Variants in NOL6 observed in about 807,000 individuals in gnomAD.
The protein encoded by NOL6 is nucleolar protein 6, also known as nucleolar RNA-associated protein.
Under a neutral mutation model 131.7 loss-of-function variants are expected in NOL6, and 33 were observed. That is an observed-to-expected ratio of 0.25 (90% CI 0.19 to 0.33). NOL6 has a LOEUF of 0.33. Ranked by LOEUF, NOL6 falls within the 10% of genes least tolerant of loss-of-function variation. The probability of loss-of-function intolerance (pLI) is 1.00; values close to 1 mark genes in which losing one functional copy is unlikely to be tolerated. For synonymous variants in NOL6, 580 were observed against 605.7 expected (o/e 0.96, Z 0.62); for missense variants, 1,297 against 1,494.5 (o/e 0.87, Z 2.18).
chr9:33,470,278 G>A (rs769938284), intron 3 of NOL6, 87 bp from the exon 4 acceptor site: 14 of 1,190,736 alleles, frequency 1.2e-5, no homozygotes, highest in East Asian at 2.9e-5. Flanking sequence ...TTAACACATC[G>A]ATATGTTTGA....
rs768191293 is a variant in NOL6 at position 33,473,853 on chromosome 9, C to T, written c.-11G>A. 6.2e-7 allele frequency: 1 copy of T among 1,610,060 alleles called. No homozygotes were observed. Among genetic ancestry groups the T allele is most frequent in the Non-Finnish European group, 8.5e-7 (1 of 1,180,026 alleles). ...TGGCGCCGGCCCCATCACTCAGGGTCCAGCACTCTCCCGCACTTCAGATTC... is the reference window on the plus strand; with the variant it reads ...TGGCGCCGGCCCCATCACTCAGGGTTCAGCACTCTCCCGCACTTCAGATTC... On this transcript the variant is annotated 5_prime_UTR_variant, in exon 1 of 26. Transcript: ENST00000297990.
rs761265686 is a variant in NOL6 at position 33,469,663 on chromosome 9, A to T, written c.563T>A (p.Ile188Asn). The change falls in exon 5 of 26, where the codon ATC becomes AAC. Residue 188 changes from isoleucine to asparagine, a missense_variant. Ile to Asn is a moderately radical substitution (Grantham distance 149). Coordinates refer to ENST00000297990, the MANE Select transcript of NOL6 (RefSeq NM_022917.5). Reference protein sequence around the residue: ...VDVALTMPREILQDKDGLNQR... With the variant: ...VDVALTMPRENLQDKDGLNQR... ...GTTCAGCCCGTCCTTGTCCTGTAGG[A>T]TTTCCTGGAGGGGCCAGGGGAGAAG... The T allele has an allele frequency of 2.5e-6, 4 of 1,609,942 alleles. No individual in the cohort carries two copies. The South Asian group carries it at 3.3e-5, about 13-fold the overall frequency.
chr9:33,471,953 C>T, intron 3 of NOL6, 51 bp downstream of exon 3: 3 of 1,261,198 alleles, frequency 2.4e-6, no homozygotes, highest in Non-Finnish European at 3.5e-6. Context: ...TTGATATACC[C>T]CCACTGGAGG....
At chr9:33,469,143 C>T (rs1827336613) in intron 6 of NOL6, 22 bp from the exon 7 acceptor site, 2 of 1,613,944 alleles carry the variant, frequency 1.2e-6, no homozygotes, top group Non-Finnish European at 1.7e-6. Context: ...AAAGGGAAGC[C>T]ATGAGAGGAA....
At position 33,469,070 on chromosome 9, in the gene NOL6, G is replaced by T; in HGVS notation, c.914C>A (p.Thr305Lys). The T allele has an allele frequency of 6.2e-7, 1 of 1,614,198 alleles. No individual in the cohort carries two copies. The highest frequency in any genetic ancestry group is 1.6e-4 in the Middle Eastern group (1 of 6,062). Reference sequence around the variant, plus strand: ...CAGCTGCAAATGGGACTCGAGAACTGTATCTTGCAGGACCCATGTGTTATA... The same window carrying T: ...CAGCTGCAAATGGGACTCGAGAACTTTATCTTGCAGGACCCATGTGTTATA... ...PRYNTWVLQD[T>K]VLESHLQLLS... The change falls in exon 7 of 26, where the codon ACA becomes AAA. Residue 305 changes from threonine to lysine, a missense_variant. Transcript: ENST00000297990.
intron 15 of NOL6, 46 bp from the exon 16 acceptor site, chr9:33,466,755 A>G (rs1441122185): frequency 6.2e-7 from 1 of 1,605,656 alleles, no homozygotes; most frequent in Non-Finnish European, 8.5e-7. Context: ...ACAGAAGGCC[A>G]GCTTCACCTG....
intron 16 of NOL6, 48 bp from the exon 17 acceptor site, chr9:33,466,473 T>C: frequency 6.2e-7 from 1 of 1,610,830 alleles, no homozygotes; most frequent in East Asian, 2.2e-5. Context: ...TGGGAGGGAG[T>C]GCCCAGAGTC....
rs1827223711 is a variant in NOL6 at position 33,465,818 on chromosome 9, A to G, written c.2444T>C (p.Met815Thr). The change falls in exon 19 of 26, where the codon ATG becomes ACG. Residue 815 changes from methionine (M) to threonine (T), a missense_variant. Coordinates refer to ENST00000297990, the MANE Select transcript of NOL6 (RefSeq NM_022917.5). ...GGCAGCTGTGTCCCTCAGCGAGATC[A>G]TCCCCTCTGGGCTCTGCACCTCCTT... ...ILKEVQSPEG[M>T]ISLRDTAASL... is the part of the protein sequence containing the mutation. The G allele has an allele frequency of 6.2e-7, 1 of 1,613,972 alleles. No homozygotes were observed. The highest frequency in any genetic ancestry group is 1.3e-5 in the African/African-American group (1 of 74,926).
At position 33,467,334 on chromosome 9, in the gene NOL6, C is replaced by A. The variant is rs1463779599; in HGVS notation, c.1725+60G>T. 6.2e-7 allele frequency: 1 copy of A among 1,610,234 alleles called. No homozygotes were observed. The highest frequency in any genetic ancestry group is 8.5e-7 in the Non-Finnish European group (1 of 1,176,994). ...TGGACCCTCCCCAACAAGCTTCAGT[C>A]CAGGTGCCATGAGGACGAGCCACCC... On this transcript the variant is annotated intron_variant, in intron 13 of 25. Transcript: ENST00000297990. This position sits in a 1 kb window ranked among gnomAD's most constrained non-coding sequence, Gnocchi z 4.4.
In NOL6 at chr9:33,467,967, C is replaced by T; in HGVS notation, c.1424+63G>A. ...CTGAGCACCTGTCTGAAGACCTTTG[C>T]CCCACCACTGTAGCCCCGAAGAGAC... On this transcript the variant is annotated intron_variant, in intron 11 of 25. Transcript: ENST00000297990. The surrounding 1 kb of genome is among the most constrained non-coding windows in gnomAD (Gnocchi z 4.4). 1 of 1,611,194 alleles carries T rather than the reference C, an allele frequency of 6.2e-7. No individual in the cohort carries two copies. Among genetic ancestry groups the T allele is most frequent in the Non-Finnish European group, 8.5e-7 (1 of 1,177,974 alleles).
At chr9:33,468,204 G>A in intron 10 of NOL6, 59 bp from the exon 11 acceptor site, 2 of 1,613,230 alleles carry the variant, frequency 1.2e-6, no homozygotes, top group South Asian at 1.1e-5. Context: ...CTTAGACCAG[G>A]AGACATGCCC....
chr9:33,468,168 C>T, intron 10 of NOL6, 23 bp from the exon 11 acceptor site: 1 of 1,614,174 alleles, frequency 6.2e-7, no homozygotes, highest in Non-Finnish European at 8.5e-7. Flanking sequence ...AAGGGACCAT[C>T]CCTGTGCCCT....
rs767623334 is a variant in NOL6, at chr9:33,462,583, G to A, written c.*81C>T. On this transcript the variant is annotated 3_prime_UTR_variant, in exon 26 of 26. Transcript: ENST00000297990. Reference sequence around the variant, plus strand: ...TCCATGGAGGATTCATGTCCAAGGAGGGTGGAGGTCATCCTACTGACATCT... The same window carrying A: ...TCCATGGAGGATTCATGTCCAAGGAAGGTGGAGGTCATCCTACTGACATCT... 6.7e-6 allele frequency: 10 copies of A among 1,503,580 alleles called. No individual in the cohort carries two copies. The highest frequency in any genetic ancestry group is 3.6e-5 in the Admixed American group (2 of 56,322). The allele number at this position is 1,503,580 out of a possible 1,614,324, so 93.1% of individuals were successfully genotyped here.
chr9:33,469,408 C>A, intron 5 of NOL6, 67 bp from the exon 6 acceptor site: 15 of 1,609,062 alleles, frequency 9.3e-6, no homozygotes, highest in Non-Finnish European at 1.3e-5. Flanking sequence ...CCCATCCTGT[C>A]CCCCCATACT....
rs1398711142 is a variant in NOL6, at chr9:33,467,971, AC to A, written c.1424+58del. On this transcript the variant is annotated intron_variant, in intron 11 of 25. Coordinates refer to ENST00000297990, the MANE Select transcript of NOL6 (RefSeq NM_022917.5). The surrounding 1 kb of genome is among the most constrained non-coding windows in gnomAD (Gnocchi z 4.4). ...GCACCTGTCTGAAGACCTTTGCCCC[AC>A]CACTGTAGCCCCGAAGAGACAGGAC... 6.2e-7 allele frequency: 1 copy of A among 1,612,094 alleles called. No individual in the cohort carries two copies. Among genetic ancestry groups the A allele is most frequent in the East Asian group, 2.2e-5 (1 of 44,842 alleles).
At position 33,464,097 on chromosome 9, in the gene NOL6, G is replaced by C; in HGVS notation, c.2844C>G (p.Val948=). The C allele has an allele frequency of 6.2e-7, 1 of 1,613,680 alleles. No individual in the cohort carries two copies. Among genetic ancestry groups the C allele is most frequent in the Non-Finnish European group, 8.5e-7 (1 of 1,179,836 alleles). Reference sequence around the variant, plus strand: ...TTTTGCGGTCTTGGGGGGTAACAATGACCATGACGGGGAGCTGTGCCCGAG... The same window carrying C: ...TTTTGCGGTCTTGGGGGGTAACAATCACCATGACGGGGAGCTGTGCCCGAG... ...LAARAQLPVM[V]IVTPQDRKNS... The change falls in exon 22 of 26, where the codon GTC becomes GTG. Residue 948 remains valine, a synonymous_variant. Transcript: ENST00000297990.
chr9:33,468,940 G>A lies in NOL6; in HGVS notation c.1026+18C>T. The A allele has an allele frequency of 6.2e-7, 1 of 1,614,066 alleles. No homozygotes were observed. Among genetic ancestry groups the A allele is most frequent in the South Asian group, 1.1e-5 (1 of 91,088 alleles). ...ACACAGGCGCTCAGGTAGGGAGGCT[G>A]CGCCACCCCCAACTCACCTTGTCCA... On this transcript the variant is annotated intron_variant, in intron 7 of 25. Transcript: ENST00000297990.
rs373463587 is a variant in NOL6, at chr9:33,462,650, C to A, written c.*14G>T. 6.8e-6 allele frequency: 11 copies of A among 1,613,706 alleles called. No individual in the cohort carries two copies. Among genetic ancestry groups the A allele is most frequent in the Non-Finnish European group, 9.3e-6 (11 of 1,179,838 alleles). On this transcript the variant is annotated 3_prime_UTR_variant, in exon 26 of 26. Coordinates refer to ENST00000297990, the MANE Select transcript of NOL6 (RefSeq NM_022917.5). ...TGTCCTGCTGTCCGTCTACAGCTTG[C>A]TCCAGAGCTGGGATCACACAGTCCA...
rs1220282757 is a variant in NOL6 at position 33,467,743 on chromosome 9, C to T, written c.1550G>A (p.Gly517Asp). 6.2e-7 allele frequency: 1 copy of T among 1,605,520 alleles called. No individual in the cohort carries two copies. The highest frequency in any genetic ancestry group is 1.7e-5 in the Admixed American group (1 of 59,050). The change falls in exon 12 of 26, where the codon GGC (glycine) becomes GAC (aspartate). Residue 517 changes from glycine (G) to aspartate (D), a missense_variant. Transcript: ENST00000297990. This position sits in a 1 kb window ranked among gnomAD's most constrained non-coding sequence, Gnocchi z 4.4. Reference protein sequence around the residue: ...LGPLTTLLEQGLGARLNLLAH... With the variant: ...LGPLTTLLEQDLGARLNLLAH... ...CAGCAGGTTCAGCCGAGCCCCCAGG[C>T]CCTGCTCCAGGAGGGTGGTCAGGGG...
Sources: allele counts gnomAD v4.1 joint callset, GRCh38; gene constraint gnomAD v4.1.1; non-coding constraint Gnocchi (gnomAD v3.1); transcripts MANE v1.5; gene names NCBI Gene and HGNC (gene_info 2026-07-23, HGNC 2026-07-21).